SCYL3: variants seen among roughly 807,000 people sequenced by gnomAD.
The protein encoded by SCYL3 is protein-associating with the carboxyl-terminal domain of ezrin.
In SCYL3, 35 loss-of-function variants were observed where a neutral mutation model predicts 73.8. That is an observed-to-expected ratio of 0.47 (90% confidence interval 0.36 to 0.63). The LOEUF is 0.63. Among genes scored for constraint, SCYL3 ranks in the 20% least tolerant of loss-of-function variants. The pLI is 0.00. For synonymous variants in SCYL3, 277 were observed against 295.2 expected (o/e 0.94, Z 0.63); for missense variants, 712 against 798.9 (o/e 0.89, Z 1.31).
chr1:169,854,170 G>T, intron 12 of SCYL3, 100 bp downstream of exon 12: 1 of 830,510 alleles, frequency 1.2e-6, no homozygotes, highest in Non-Finnish European at 1.8e-6. Context: ...ACTTGACTAG[G>T]AAAATAGCAT....
rs1171058840 is a variant in SCYL3 at position 169,852,403 on chromosome 1, T to A, written c.*1310A>T. 1 of 245,842 alleles carries A rather than the reference T, an allele frequency of 4.1e-6. No individual in the cohort carries two copies. The highest frequency in any genetic ancestry group is 2.3e-5 in the African/African-American group (1 of 43,222). The allele number at this position is 245,842 out of a possible 1,614,324, so 15.2% of individuals were successfully genotyped here. ...TTTTGAGCACTATTAGTATAGTAAT[T>A]AGTATAGTAGTAATTCATGAAGAAC... On this transcript the variant is annotated 3_prime_UTR_variant, in exon 13 of 13. Transcript: ENST00000367771.
chr1:169,869,057 A>G lies in SCYL3; in HGVS notation c.626-18T>C. ...CGCTGAAACTGAAATCCAGAGCTAC[A>G]GTTAGTTTCCAATGCCTTCTCCCTC... On this transcript the variant is annotated intron_variant, in intron 6 of 12. Coordinates refer to ENST00000367771, the MANE Select transcript of SCYL3 (RefSeq NM_020423.7). 2 of 1,599,858 alleles carry G rather than the reference A, an allele frequency of 1.3e-6. No homozygotes were observed. Among genetic ancestry groups the G allele is most frequent in the Non-Finnish European group, 1.7e-6 (2 of 1,167,396 alleles).
rs1173034456 is a variant in SCYL3, at chr1:169,854,812, C to T, written c.1465G>A (p.Val489Ile). Residue 489 changes from valine to isoleucine, a missense_variant, in exon 12 of 13, where the codon GTC becomes ATC. Physicochemically the swap from Val to Ile is conservative, Grantham distance 29. This residue lies in a region of SCYL3 where 370 missense variants were observed against 350.8 expected (regional missense o/e 1.05). Transcript: ENST00000367771. ...SEPEEPENQT[V>I]NIQIWPREPC... Reference sequence around the variant, plus strand: ...TCTCTAGGCCAAATCTGTATGTTGACAGTTTGATTTTCAGGCTCCTCAGGT... The same window carrying T: ...TCTCTAGGCCAAATCTGTATGTTGATAGTTTGATTTTCAGGCTCCTCAGGT... 3 of 1,613,908 alleles carry T rather than the reference C, an allele frequency of 1.9e-6. No homozygotes were observed.
At chr1:169,889,675 C>T (rs1270851577) in intron 1 of SCYL3, among the ~76,000 whole-genome samples, 1 of 151,882 alleles carries the variant, frequency 6.6e-6, no homozygotes, top group African/African-American at 2.4e-5. Flanking sequence ...TGAAGGGGCA[C>T]AGTTAGAGGG....
intron 11 of SCYL3, among the ~76,000 whole-genome samples, chr1:169,857,515 T>C (rs1331370491): frequency 6.6e-6 from 1 of 152,218 alleles, no homozygotes; most frequent in Non-Finnish European, 1.5e-5. Context: ...TGTAAAGATA[T>C]TCATTGCAGC....
chr1:169,854,280 T>G lies in SCYL3; in HGVS notation c.1997A>C (p.Glu666Ala), dbSNP rs771489570. Residue 666 changes from glutamate (E) to alanine (A), a missense_variant, in exon 12 of 13, where the codon GAA becomes GCA. Coordinates refer to ENST00000367771, the MANE Select transcript of SCYL3 (RefSeq NM_020423.7). Reference protein sequence around the residue: ...MQFSSKFAAAEITEGEAEGWE... With the variant: ...MQFSSKFAAAAITEGEAEGWE... Reference sequence around the variant, plus strand: ...CATAAAAGTACTCACCTCAGTAATTTCTGCTGCAGCAAATTTTGAGGAAAA... The same window carrying G: ...CATAAAAGTACTCACCTCAGTAATTGCTGCTGCAGCAAATTTTGAGGAAAA... 105 of 1,603,176 alleles carry G rather than the reference T, an allele frequency of 6.5e-5. No homozygotes were observed. Among genetic ancestry groups the G allele is most frequent in the Admixed American group, 3.8e-4 (22 of 58,280 alleles).
rs1658375175 is a variant in SCYL3, at chr1:169,851,762, T to A, written c.*1951A>T. 6.3e-7 allele frequency: 1 copy of A among 1,582,224 alleles called. No individual in the cohort carries two copies. The highest frequency in any genetic ancestry group is 1.8e-5 in the Admixed American group (1 of 55,772). ...ACTTAAATTATGTGGCCATTTCATA[T>A]CTAGTAGAGTGCTAACATGTTGCTA... On this transcript the variant is annotated 3_prime_UTR_variant, in exon 13 of 13. Transcript: ENST00000367771.
At chr1:169,864,616 CATTTG>C (rs1274398204) in intron 8 of SCYL3, 108 bp from the exon 9 acceptor site, 59 of 1,128,750 alleles carry the variant, frequency 5.2e-5, no homozygotes, top group Middle Eastern at 2.2e-4. Flanking sequence ...CAAAGTGATG[CATTTG>C]AAATGGAGAT....
In SCYL3 at chr1:169,852,388, TATTAGTATAGTA is replaced by T. The variant is rs369222700; in HGVS notation, c.*1313_*1324del. 1.2e-3 allele frequency: 339 copies of T among 277,446 alleles called. No homozygotes were observed. The highest frequency in any genetic ancestry group is 7.3e-3 in the African/African-American group (326 of 44,554). 17.2% of individuals were successfully genotyped at this position (277,446 alleles called of 1,614,324 possible). ...ATATTCAAAATATTGTTTTGAGCACTATTAGTATAGTAATTAGTATAGTAGTAATTCATGAAG... is the reference window on the plus strand; with the variant it reads ...ATATTCAAAATATTGTTTTGAGCACTATTAGTATAGTAGTAATTCATGAAG... On this transcript the variant is annotated 3_prime_UTR_variant, in exon 13 of 13. Coordinates refer to ENST00000367771, the MANE Select transcript of SCYL3 (RefSeq NM_020423.7).
Position 169,852,692 on chromosome 1 carries a change from C to CT in SCYL3, c.*1020dup. 1 of 1,249,476 alleles carries CT rather than the reference C, an allele frequency of 8.0e-7. No homozygotes were observed. The highest frequency in any genetic ancestry group is 1.1e-6 in the Non-Finnish European group (1 of 878,520). 77.4% of individuals were successfully genotyped at this position (1,249,476 alleles called of 1,614,324 possible). A position where few individuals can be genotyped will look rare whatever the true frequency, so the allele number is the denominator to read the frequency against. ...TCCTCCTACCCTTGTGATCCAATGACTAGAATAAAATTTGCATGTAAGCTT... is the reference window on the plus strand; with the variant it reads ...TCCTCCTACCCTTGTGATCCAATGACTTAGAATAAAATTTGCATGTAAGCTT... On this transcript the variant is annotated 3_prime_UTR_variant, in exon 13 of 13. Transcript: ENST00000367771.
At chr1:169,884,699 A>T (rs1228283760) in intron 2 of SCYL3, among the ~76,000 whole-genome samples, 1 of 152,184 alleles carries the variant, frequency 6.6e-6, no homozygotes, top group Non-Finnish European at 1.5e-5. Flanking sequence ...CAAATCTTTC[A>T]TGTTCTCTTC....
chr1:169,866,622 TA>T (rs1660048423), intron 8 of SCYL3, among the ~76,000 whole-genome samples: 1 of 152,324 alleles, frequency 6.6e-6, no homozygotes, highest in Middle Eastern at 3.4e-3. Flanking sequence ...ACCTTTTCTC[TA>T]ACGACCTCCT....
At chr1:169,873,150 C>T (rs1002712057) in intron 5 of SCYL3, among the ~76,000 whole-genome samples, 2 of 152,084 alleles carry the variant, frequency 1.3e-5, no homozygotes, top group East Asian at 1.9e-4. Flanking sequence ...GGCAGGAATT[C>T]AGTGGGAGGT....
At position 169,850,001 on chromosome 1, in the gene SCYL3, T is replaced by C. The variant is rs1430460456; in HGVS notation, c.*3712A>G. The C allele has an allele frequency of 1.4e-5, 7 of 504,808 alleles. 1 individual carries two copies. The Admixed American group carries it at 2.0e-4, about 15-fold the overall frequency. The allele number at this position is 504,808 out of a possible 1,614,324, so 31.3% of individuals were successfully genotyped here. On this transcript the variant is annotated 3_prime_UTR_variant, in exon 13 of 13. Transcript: ENST00000367771. Reference sequence around the variant, plus strand: ...CTTTACTCTTACTGCATTTGCTGTATAGTCATGCCTATGATCATAAGGGAG... The same window carrying C: ...CTTTACTCTTACTGCATTTGCTGTACAGTCATGCCTATGATCATAAGGGAG...
intron 8 of SCYL3, 147 bp from the exon 9 acceptor site, chr1:169,864,655 C>T (rs1659899906): frequency 1.2e-6 from 1 of 859,116 alleles, no homozygotes; most frequent in East Asian, 2.9e-5. Context: ...AGATTGGTCC[C>T]CAAGTACTTA....
rs981079594 is a variant in SCYL3 at position 169,876,070 on chromosome 1, C to T, written c.373G>A (p.Val125Ile). ...HDRGHLTHNN[V>I]CLSSVFVSED... ...CTCACAAACACAGATGATAAACAGA[C>T]ATTATTGTGTGTTAGGTGTCCCTGG... The change falls in exon 4 of 13, where the codon GTC becomes ATC. Residue 125 changes from valine to isoleucine, a missense_variant. Physicochemically the swap from Val to Ile is conservative, Grantham distance 29. Transcript: ENST00000367771. 3 of 1,601,808 alleles carry T rather than the reference C, an allele frequency of 1.9e-6. No individual in the cohort carries two copies. The highest frequency in any genetic ancestry group is 1.7e-5 in the Admixed American group (1 of 58,204).
At chr1:169,864,185 C>T (rs1659861805) in intron 9 of SCYL3, among the ~76,000 whole-genome samples, 184 bp downstream of exon 9, 1 of 152,216 alleles carries the variant, frequency 6.6e-6, no homozygotes, top group Non-Finnish European at 1.5e-5. Context: ...GAAGATGCTT[C>T]ATTTATCCTG....
intron 1 of SCYL3, among the ~76,000 whole-genome samples, chr1:169,892,515 G>C (rs1662155173): frequency 6.6e-6 from 1 of 152,172 alleles, no homozygotes; most frequent in Non-Finnish European, 1.5e-5. Flanking sequence ...TTGTTTTGAG[G>C]ACGGGGAAAA....
At chr1:169,863,203 G>A (rs4656199) in intron 9 of SCYL3, among the ~76,000 whole-genome samples, 96,635 of 152,040 alleles carry the variant, frequency 0.64, 31,097 homozygotes, top group Middle Eastern at 0.77. Flanking sequence ...GAGCCACCGC[G>A]CCCGGCCAGT....
Sources: allele counts gnomAD v4.1 joint callset (sites outside exome capture counted in the v4.1 genomes callset), GRCh38; gene constraint gnomAD v4.1.1; regional missense constraint gnomAD v4.1.1; transcripts MANE v1.5; gene names NCBI Gene and HGNC (gene_info 2026-07-23, HGNC 2026-07-21).